CYTH1: variants seen among roughly 807,000 people sequenced by gnomAD.
The protein encoded by CYTH1 is cytohesin 1.
A neutral mutation model predicts 61.8 loss-of-function variants in CYTH1; 18 were observed. The observed-to-expected ratio is 0.29, with a 90% CI of 0.20 to 0.43. The LOEUF (loss-of-function observed/expected upper bound fraction) is 0.43. CYTH1 is among the 20% of genes least tolerant of loss of function. The pLI is 1.00. For missense variants in CYTH1, 336 were observed against 510.5 expected (o/e 0.66, Z 3.29); for synonymous variants, 174 against 184.3 (o/e 0.94, Z 0.45).
chr17:78,772,601 G>A (rs8070399), intron 1 of CYTH1, among the ~76,000 whole-genome samples: 5,173 of 152,156 alleles, frequency 0.034, 306 homozygotes, highest in African/African-American at 0.12. Flanking sequence ...GCAGTGGCGC[G>A]ATCTCGGCTC....
rs539064379 is a variant in CYTH1 at position 78,712,462 on chromosome 17, G to A, written c.23-2730C>T. Among the ~76,000 whole-genome samples the A allele has an allele frequency of 2.0e-5, 3 of 151,914 alleles. No homozygotes were observed. The South Asian group carries it at 6.2e-4, about 32-fold the overall frequency. ...GAAGTCAGGAGTTCAAGACCAGCCT[G>A]GCCAACATGGTGAAACCCCGTCTCT... On this transcript the variant is annotated intron_variant, in intron 1 of 13. Coordinates refer to ENST00000446868, the MANE Select transcript of CYTH1 (RefSeq NM_004762.6).
chr17:78,702,266 A>G lies in CYTH1; in HGVS notation c.238-26T>C, dbSNP rs374089309. The G allele has an allele frequency of 6.6e-5, 104 of 1,572,070 alleles. No individual in the cohort carries two copies. The African/African-American group carries it at 1.1e-3, about 16-fold the overall frequency. On this transcript the variant is annotated intron_variant, in intron 4 of 13. Transcript: ENST00000446868. ...CTAGAAAAAGACAACAAAGACGCCA[A>G]TGATGCTTTGCTGGGAAACAGTTGA...
chr17:78,755,750 A>G (rs1313832939), intron 1 of CYTH1, among the ~76,000 whole-genome samples: 1 of 151,734 alleles, frequency 6.6e-6, no homozygotes, highest in Non-Finnish European at 1.5e-5. Flanking sequence ...TCTGGGCAAC[A>G]TAAATAAACA....
intron 3 of CYTH1, among the ~76,000 whole-genome samples, chr17:78,705,912 TAATC>T (rs1462267464): frequency 1.3e-5 from 2 of 152,134 alleles, no homozygotes; most frequent in African/African-American, 2.4e-5. Flanking sequence ...GACAGAGAAT[TAATC>T]AAGAGAAAAA....
At chr17:78,740,098 G>A (rs2093336527) in intron 1 of CYTH1, among the ~76,000 whole-genome samples, 1 of 152,154 alleles carries the variant, frequency 6.6e-6, no homozygotes, top group African/African-American at 2.4e-5. Flanking sequence ...ACCATGCTGA[G>A]CTAATTTTTG....
chr17:78,723,115 T>A (rs1339515144), intron 1 of CYTH1: 1 of 152,420 alleles, frequency 6.6e-6, no homozygotes, highest in African/African-American at 2.4e-5. Flanking sequence ...ACACATCAGC[T>A]CCTACTGCTG....
Position 78,715,252 on chromosome 17 carries a change from T to C in CYTH1, c.23-5520A>G, listed in dbSNP as rs116281302. The stretch of plus-strand genomic sequence containing the variant: ...AGTATAAGAGCCCGCACACTAAAGA[T>C]AGCGCAGTGGAACTTTCAAAATTCT... On this transcript the variant is annotated intron_variant, in intron 1 of 13. Coordinates refer to ENST00000446868, the MANE Select transcript of CYTH1 (RefSeq NM_004762.6). Among the ~76,000 whole-genome samples the C allele has an allele frequency of 8.5e-3, 1,288 of 152,224 alleles. 23 individuals carry two copies. Among genetic ancestry groups the C allele is most frequent in the African/African-American group, 0.029 (1,192 of 41,542 alleles).
At chr17:78,729,963 C>T (rs973858251) in intron 1 of CYTH1, among the ~76,000 whole-genome samples, 2 of 152,142 alleles carry the variant, frequency 1.3e-5, no homozygotes, top group Non-Finnish European at 2.9e-5. Flanking sequence ...ACAACTAACA[C>T]AAAATTTGAT....
At chr17:78,738,509 C>T (rs980284585) in intron 1 of CYTH1, among the ~76,000 whole-genome samples, 12 of 152,120 alleles carry the variant, frequency 7.9e-5, no homozygotes, top group South Asian at 4.1e-4. Flanking sequence ...AGCAAGACAA[C>T]GGGGCGCTGT....
intron 1 of CYTH1, among the ~76,000 whole-genome samples, chr17:78,726,341 C>T (rs1046741655): frequency 1.3e-5 from 2 of 152,096 alleles, no homozygotes; most frequent in Non-Finnish European, 2.9e-5. Flanking sequence ...CGCGCCCGGC[C>T]TCAACAATCT....
chr17:78,774,106 T>A (rs2093482176), intron 1 of CYTH1, among the ~76,000 whole-genome samples: 1 of 152,220 alleles, frequency 6.6e-6, no homozygotes, highest in South Asian at 2.1e-4. Flanking sequence ...GAGGGCACAT[T>A]TGCACTATTA....
chr17:78,759,460 C>T (rs1445313006), intron 1 of CYTH1, among the ~76,000 whole-genome samples: 1 of 152,132 alleles, frequency 6.6e-6, no homozygotes, highest in African/African-American at 2.4e-5. Context: ...GCAACAGCTG[C>T]AACATAAAGA....
chr17:78,773,194 G>T (rs183475015), intron 1 of CYTH1, among the ~76,000 whole-genome samples: 134 of 152,244 alleles, frequency 8.8e-4, no homozygotes, highest in African/African-American at 3.0e-3. Context: ...TCACAGGAAG[G>T]TGTGGTGGCT....
rs772644000 is a variant in CYTH1, at chr17:78,702,101, G to A, written c.356+21C>T. ...TCCTGAACAGCCTTCCCTAGCATGC[G>A]CATAATCCCCAAGGCCTTACCTCTC... On this transcript the variant is annotated intron_variant, in intron 5 of 13. Transcript: ENST00000446868. 5.1e-6 allele frequency: 8 copies of A among 1,555,520 alleles called. No homozygotes were observed. In the East Asian group the frequency reaches 6.7e-5, roughly 13 times the overall value.
At chr17:78,731,761 A>AC (rs950815045) in intron 1 of CYTH1, among the ~76,000 whole-genome samples, 26 of 151,776 alleles carry the variant, frequency 1.7e-4, no homozygotes, top group Admixed American at 1.4e-3. Context: ...GTCTCAAAAA[A>AC]AAAAAAAAAA....
At position 78,676,076 on chromosome 17, in the gene CYTH1, C is replaced by A; in HGVS notation, c.*15G>T. On this transcript the variant is annotated 3_prime_UTR_variant, in exon 14 of 14. Coordinates refer to ENST00000446868, the MANE Select transcript of CYTH1 (RefSeq NM_004762.6). ...GCTCCAAGGCCCCCGCAGACCAACGCCCTTGGCTGCACGCTCAGTGTCGCT... is the reference window on the plus strand; with the variant it reads ...GCTCCAAGGCCCCCGCAGACCAACGACCTTGGCTGCACGCTCAGTGTCGCT... The A allele has an allele frequency of 1.9e-6, 3 of 1,601,290 alleles. No individual in the cohort carries two copies. The highest frequency in any genetic ancestry group is 2.6e-6 in the Non-Finnish European group (3 of 1,174,006).
chr17:78,681,198 A>G (rs551042538), intron 11 of CYTH1, 156 bp from the exon 12 acceptor site: 2 of 675,812 alleles, frequency 3.0e-6, no homozygotes, highest in East Asian at 5.4e-5. Context: ...CTAAACAAGA[A>G]TAACACCAAA....
chr17:78,736,102 T>C (rs1167134342), intron 1 of CYTH1, among the ~76,000 whole-genome samples: 1 of 152,226 alleles, frequency 6.6e-6, no homozygotes, highest in African/African-American at 2.4e-5. Flanking sequence ...GACCACATCG[T>C]CTTTTCCCTT....
chr17:78,682,682 G>A (rs562768985), intron 11 of CYTH1, among the ~76,000 whole-genome samples: 1 of 152,344 alleles, frequency 6.6e-6, no homozygotes, highest in South Asian at 2.1e-4. Flanking sequence ...TAGGCTGGAC[G>A]TGACCCTCCT....
Sources: gnomAD v4.1 joint callset for allele counts (sites outside exome capture counted in the v4.1 genomes callset) on GRCh38, gnomAD v4.1.1 for gene constraint, MANE v1.5 for transcripts, NCBI Gene and HGNC (gene_info 2026-07-23, HGNC 2026-07-21) for gene names.